HBS1L: variants seen among roughly 807,000 people sequenced by gnomAD.
HBS1L encodes HBS1-like protein.
A neutral mutation model predicts 88.9 loss-of-function variants in HBS1L; 55 were observed. The observed-to-expected ratio is 0.62, with a 90% CI of 0.50 to 0.77. The LOEUF (loss-of-function observed/expected upper bound fraction) is 0.77. Among genes scored for constraint, HBS1L ranks in the 30% least tolerant of loss-of-function variants. HBS1L has a pLI of 0.00. For missense variants in HBS1L, 741 were observed against 829.3 expected (o/e 0.89, Z 1.31); for synonymous variants, 267 against 288.5 (o/e 0.93, Z 0.76).
chr6:135,016,443 G>A (rs1233571878), intron 4 of HBS1L, among the ~76,000 whole-genome samples: 1 of 152,202 alleles, frequency 6.6e-6, no homozygotes. Flanking sequence ...CTGAAGGCTA[G>A]GCTAATCTTC....
chr6:134,989,401 A>T (rs1334429159), intron 8 of HBS1L, among the ~76,000 whole-genome samples: 1 of 152,020 alleles, frequency 6.6e-6, no homozygotes, highest in Non-Finnish European at 1.5e-5. Context: ...GATAATCACT[A>T]TCTCTCCAGG....
intron 12 of HBS1L, 43 bp downstream of exon 12, chr6:134,985,298 A>G: frequency 3.0e-6 from 4 of 1,316,938 alleles, no homozygotes; most frequent in Non-Finnish European, 4.2e-6. Context: ...GGGAATGGGG[A>G]AAAGGGGCTA....
chr6:135,037,650 T>C (rs1319357911), intron 4 of HBS1L: 2 of 1,549,910 alleles, frequency 1.3e-6, no homozygotes, highest in South Asian at 1.2e-5. Flanking sequence ...TGGAAATGCA[T>C]TCAGATGCAT....
chr6:134,966,886 C>T lies in HBS1L; in HGVS notation c.1899-413G>A, dbSNP rs770389162. 1.8e-4 allele frequency among the ~76,000 whole-genome samples: 27 copies of T among 147,378 alleles called. 1 individual carries two copies. The highest frequency in any genetic ancestry group is 9.9e-4 in the Admixed American group (15 of 15,112). On this transcript the variant is annotated intron_variant, in intron 16 of 17. Coordinates refer to ENST00000367837, the MANE Select transcript of HBS1L (RefSeq NM_006620.4). ...AGTATTTGCAAAGAGGAATATAATG[C>T]CCTATGTCTTTCCTAGTAAAACTGT... is the stretch of plus-strand genomic sequence containing the variant.
chr6:134,976,218 T>A (rs2114761525), intron 15 of HBS1L, among the ~76,000 whole-genome samples: 1 of 152,198 alleles, frequency 6.6e-6, no homozygotes, highest in Non-Finnish European at 1.5e-5. Flanking sequence ...ACCACCTTAC[T>A]CCAGCCAGAA....
chr6:135,036,397 TA>T (rs201018658), intron 4 of HBS1L: 4,386 of 1,197,064 alleles, frequency 3.7e-3, no homozygotes, highest in East Asian at 8.3e-3. Context: ...AAGACATAGT[TA>T]AAAAAAAAAT....
intron 4 of HBS1L, 135 bp from the exon 5 acceptor site, chr6:135,002,977 A>G: frequency 1.8e-6 from 1 of 544,028 alleles, no homozygotes; most frequent in Non-Finnish European, 3.2e-6. Context: ...TTATCTCTAA[A>G]AAAATTTAGT....
At chr6:135,018,365 T>G (rs888938448) in intron 4 of HBS1L, among the ~76,000 whole-genome samples, 1 of 152,012 alleles carries the variant, frequency 6.6e-6, no homozygotes, top group African/African-American at 2.4e-5. Flanking sequence ...CCTCATCAAA[T>G]CCATTATAAA....
intron 13 of HBS1L, among the ~76,000 whole-genome samples, chr6:134,979,723 T>C (rs965631555): frequency 6.6e-6 from 1 of 151,998 alleles, no homozygotes; most frequent in Non-Finnish European, 1.5e-5. Context: ...CCTAAACAAA[T>C]AATCCTTGTT....
At chr6:135,050,364 G>T (rs940681030) in intron 2 of HBS1L, among the ~76,000 whole-genome samples, 1 of 152,108 alleles carries the variant, frequency 6.6e-6, no homozygotes, top group Admixed American at 6.5e-5. Flanking sequence ...AGAAGCCACA[G>T]TCTTTTTCAC....
intron 7 of HBS1L, among the ~76,000 whole-genome samples, chr6:134,995,923 T>C (rs1311636026): frequency 6.6e-6 from 1 of 152,112 alleles, no homozygotes; most frequent in Non-Finnish European, 1.5e-5. Context: ...TTACCTTATA[T>C]GTTTATAATG....
intron 4 of HBS1L, chr6:135,035,881 A>G: frequency 1.4e-6 from 1 of 716,564 alleles, no homozygotes; most frequent in Non-Finnish European, 1.7e-6. Flanking sequence ...TTATATATTT[A>G]TTTTAAAGTG....
intron 1 of HBS1L, among the ~76,000 whole-genome samples, chr6:135,054,403 A>G (rs764958380): frequency 2.6e-5 from 4 of 152,116 alleles, no homozygotes; most frequent in Non-Finnish European, 4.4e-5. Context: ...CCAATATCCT[A>G]CCCATATGAC....
rs578174079 is a variant in HBS1L at position 134,961,657 on chromosome 6, G to T, written c.*3622C>A. 5.3e-5 allele frequency: 8 copies of T among 152,032 alleles called. No homozygotes were observed. The East Asian group carries it at 1.5e-3, about 29-fold the overall frequency. 9.4% of individuals were successfully genotyped at this position (152,032 alleles called of 1,614,324 possible). A position where few individuals can be genotyped will look rare whatever the true frequency, so the allele number is the denominator to read the frequency against. Reference sequence around the variant, plus strand: ...AGTTGCAAAATCACTCCCACTTTCTGACAGCACTCAATCCACTTTCTGACA... The same window carrying T: ...AGTTGCAAAATCACTCCCACTTTCTTACAGCACTCAATCCACTTTCTGACA... On this transcript the variant is annotated 3_prime_UTR_variant, in exon 18 of 18. Coordinates refer to ENST00000367837, the MANE Select transcript of HBS1L (RefSeq NM_006620.4).
intron 5 of HBS1L, among the ~76,000 whole-genome samples, chr6:134,999,647 C>A (rs997846464): frequency 1.3e-4 from 19 of 151,910 alleles, no homozygotes; most frequent in Non-Finnish European, 2.5e-4. Flanking sequence ...AGGGTTTCAC[C>A]ACATTGGCCA....
chr6:135,020,757 T>G (rs1350221379), intron 4 of HBS1L, among the ~76,000 whole-genome samples: 5 of 151,966 alleles, frequency 3.3e-5, no homozygotes, highest in African/African-American at 1.2e-4. Flanking sequence ...AATCATATCT[T>G]TTATATAATA....
rs1420791546 is a variant in HBS1L, at chr6:135,039,616, C to T, written c.387G>A (p.Lys129=). Residue 129 remains lysine (K), a synonymous_variant, in exon 4 of 18, where the codon AAG becomes AAA. Transcript: ENST00000367837. The part of the protein sequence containing the change: ...VLEQDRVQSL[K]DKNEATVSTG... ...TAGATACTGTTGCCTCATTCTTGTC[C>T]TTCAAACTCTGCACTCTATCTTGTT... 6.2e-7 allele frequency: 1 copy of T among 1,614,072 alleles called. No individual in the cohort carries two copies. Among genetic ancestry groups the T allele is most frequent in the Admixed American group, 1.7e-5 (1 of 60,020 alleles).
rs113646568 is a variant in HBS1L, at chr6:134,976,370, G to C, written c.1797+2309C>G. On this transcript the variant is annotated intron_variant, in intron 15 of 17. Coordinates refer to ENST00000367837, the MANE Select transcript of HBS1L (RefSeq NM_006620.4). ...ACAGAGATTTCTCAAAGAACGAAAA[G>C]TAGATCTACCAGTTGATCCAGCAGT... is the stretch of plus-strand genomic sequence containing the variant. Among the ~76,000 whole-genome samples the C allele has an allele frequency of 6.6e-5, 10 of 152,222 alleles. 1 individual carries two copies. The highest frequency in any genetic ancestry group is 2.4e-4 in the African/African-American group (10 of 41,572).
chr6:135,004,415 T>C (rs928811859), intron 4 of HBS1L, among the ~76,000 whole-genome samples: 1 of 152,026 alleles, frequency 6.6e-6, no homozygotes, highest in Non-Finnish European at 1.5e-5. Flanking sequence ...ATATAAATTA[T>C]AATAACTAGC....
Sources: gnomAD v4.1 joint callset for allele counts (sites outside exome capture counted in the v4.1 genomes callset) on GRCh38, gnomAD v4.1.1 for gene constraint, MANE v1.5 for transcripts, NCBI Gene and HGNC (gene_info 2026-07-23, HGNC 2026-07-21) for gene names.